Variants in EVX1 observed in about 807,000 individuals in gnomAD.
EVX1 encodes even-skipped homeobox 1, also known as homeobox even-skipped homolog protein 1.
A neutral mutation model predicts 28.6 loss-of-function variants in EVX1; 19 were observed. The observed-to-expected ratio is 0.67, with a 90% confidence interval of 0.46 to 0.98. EVX1 has a LOEUF of 0.98. Ranked by LOEUF, EVX1 falls within the 50% of genes least tolerant of loss-of-function variation. The pLI is 0.00. For missense variants in EVX1, 660 were observed against 583.0 expected, an observed-to-expected ratio of 1.13 and a Z score of -1.36; for synonymous variants, 324 against 278.2, an observed-to-expected ratio of 1.16 and a Z score of -1.64.
intron 1 of EVX1, chr7:27,244,366 T>TGGG (rs1261517377): frequency 3.1e-4 from 95 of 307,082 alleles, no homozygotes; most frequent in African/African-American, 2.7e-3. Context: ...GGAAAGAGCC[T>TGGG]GGGGGCGGGG....
chr7:27,245,879 TC>T lies in EVX1; in HGVS notation c.685-3del. 6.2e-7 allele frequency: 1 copy of T among 1,609,242 alleles called. No individual in the cohort carries two copies. The highest frequency in any genetic ancestry group is 8.5e-7 in the Non-Finnish European group (1 of 1,178,854). On this transcript the variant is annotated splice_polypyrimidine_tract_variant and splice_region_variant and intron_variant, in intron 2 of 2. Transcript: ENST00000496902. ...AGCTACTGAACCTGCTCCGCTCCTC[TC>T]CCCAGGTGTGGTTCCAGAACCGGCG...
At chr7:27,244,375 G>A (rs905263674) in intron 1 of EVX1, 21 of 388,496 alleles carry the variant, frequency 5.4e-5, no homozygotes, top group South Asian at 1.1e-4. Context: ...CTGGGGGCGG[G>A]GGGGAGAAAG....
Position 27,245,075 on chromosome 7 carries a change from G to C in EVX1, c.455G>C (p.Ser152Thr), listed in dbSNP as rs527786415. 6.2e-7 allele frequency: 1 copy of C among 1,612,238 alleles called. No homozygotes were observed. Among genetic ancestry groups the C allele is most frequent in the South Asian group, 1.1e-5 (1 of 91,044 alleles). The change falls in exon 2 of 3, where the codon AGT becomes ACT. Residue 152 changes from serine to threonine, a missense_variant. By Grantham distance (58) the Ser-to-Thr change is moderately conservative. Coordinates refer to ENST00000496902, the MANE Select transcript of EVX1 (RefSeq NM_001989.5). ...TCCGGCTCCGAGGCGCTGGTCGGCA[G>C]TCCGAACGGAGGGAGCGAGACCCCC... ...KGSGSEALVG[S>T]PNGGSETPKS...
chr7:27,246,466 G>T lies in EVX1; in HGVS notation c.*41G>T. ...CTGCCGGCTCCATGACGCCCGTGGG[G>T]TCACCCCCCGGCCCCGGGACTCAGC... On this transcript the variant is annotated 3_prime_UTR_variant, in exon 3 of 3. Coordinates refer to ENST00000496902, the MANE Select transcript of EVX1 (RefSeq NM_001989.5). The T allele has an allele frequency of 6.4e-7, 1 of 1,558,318 alleles. No homozygotes were observed. The highest frequency in any genetic ancestry group is 8.6e-7 in the Non-Finnish European group (1 of 1,159,284).
At chr7:27,244,562 C>T in intron 1 of EVX1, 1 of 895,974 alleles carries the variant, frequency 1.1e-6, no homozygotes, top group Non-Finnish European at 1.3e-6. Context: ...TCCAGCCCTG[C>T]AATACACGGA....
chr7:27,243,195 G>C lies in EVX1; in HGVS notation c.165G>C (p.Pro55=), dbSNP rs1396963900. 1.3e-6 allele frequency: 2 copies of C among 1,562,414 alleles called. No individual in the cohort carries two copies. The highest frequency in any genetic ancestry group is 1.4e-5 in the African/African-American group (1 of 73,738). ...RGCLSPRAVP[P]ATRERGGGGP... ...GCCTGAGCCCTCGGGCCGTCCCTCC[G>C]GCCACCCGGGAGCGCGGCGGGGGAG... The change falls in exon 1 of 3, where the codon CCG becomes CCC. Residue 55 remains proline (P), a synonymous_variant. Coordinates refer to ENST00000496902, the MANE Select transcript of EVX1 (RefSeq NM_001989.5).
At position 27,243,061 on chromosome 7, in the gene EVX1, C is replaced by G. The variant is rs1428622382; in HGVS notation, c.31C>G (p.Leu11Val). 1.9e-6 allele frequency: 3 copies of G among 1,608,360 alleles called. No individual in the cohort carries two copies. In the African/African-American group the frequency reaches 4.0e-5, roughly 22 times the overall value. Residue 11 changes from leucine to valine, a missense_variant, in exon 1 of 3, where the codon CTG becomes GTG. Leu to Val is a conservative substitution (Grantham distance 32). Coordinates refer to ENST00000496902, the MANE Select transcript of EVX1 (RefSeq NM_001989.5). MESRKDMVVFLDGGQLGTLVG... is the reference protein window; with the variant it reads MESRKDMVVFVDGGQLGTLVG... Reference sequence around the variant, plus strand: ...GAGCCGAAAGGACATGGTTGTGTTTCTGGATGGGGGTCAGCTTGGCACTCT... The same window carrying G: ...GAGCCGAAAGGACATGGTTGTGTTTGTGGATGGGGGTCAGCTTGGCACTCT...
rs899404417 is a variant in EVX1 at position 27,243,203 on chromosome 7, G to A, written c.173G>A (p.Arg58Gln). 4.5e-6 allele frequency: 7 copies of A among 1,558,270 alleles called. No homozygotes were observed. The highest frequency in any genetic ancestry group is 3.5e-5 in the South Asian group (3 of 85,122). The stretch of plus-strand genomic sequence containing the variant: ...CCTCGGGCCGTCCCTCCGGCCACCC[G>A]GGAGCGCGGCGGGGGAGGCCCGGAG... ...LSPRAVPPAT[R>Q]ERGGGGPEEE... Residue 58 changes from arginine (R) to glutamine (Q), a missense_variant, in exon 1 of 3, where the codon CGG becomes CAG. By Grantham distance (43) the Arg-to-Gln change is conservative. Around this residue, in one of 3 missense-constraint regions of EVX1, gnomAD observed 308 missense variants for 256.6 expected, o/e 1.20. Coordinates refer to ENST00000496902, the MANE Select transcript of EVX1 (RefSeq NM_001989.5).
rs1252038989 is a variant in EVX1, at chr7:27,246,453, T to C, written c.*28T>C. The C allele has an allele frequency of 1.3e-6, 2 of 1,577,770 alleles. No homozygotes were observed. Among genetic ancestry groups the C allele is most frequent in the Admixed American group, 1.7e-5 (1 of 57,216 alleles). ...GGCCGCCGGCTGGCTGCCGGCTCCA[T>C]GACGCCCGTGGGGTCACCCCCCGGC... On this transcript the variant is annotated 3_prime_UTR_variant, in exon 3 of 3. Transcript: ENST00000496902.
At position 27,243,001 on chromosome 7, in the gene EVX1, C is replaced by T. The variant is rs1783063125; in HGVS notation, c.-30C>T. On this transcript the variant is annotated 5_prime_UTR_variant, in exon 1 of 3. Coordinates refer to ENST00000496902, the MANE Select transcript of EVX1 (RefSeq NM_001989.5). ...GCCGGGGTTAGGAACTCACTTGGGG[C>T]TTTCCCCTCCCCCACCGGAGAGCCC... 1.3e-6 allele frequency: 2 copies of T among 1,515,924 alleles called. No homozygotes were observed. Among genetic ancestry groups the T allele is most frequent in the African/African-American group, 2.8e-5 (2 of 70,894 alleles). The allele number at this position is 1,515,924 out of a possible 1,614,324, so 93.9% of individuals were successfully genotyped here.
At position 27,246,162 on chromosome 7, in the gene EVX1, G is replaced by C. The variant is rs1583466668; in HGVS notation, c.961G>C (p.Glu321Gln). Reference protein sequence around the residue: ...RVLSQPYPRPELLCAFRHPPL... With the variant: ...RVLSQPYPRPQLLCAFRHPPL... ...GCTGTCGCAGCCCTACCCGCGGCCC[G>C]AACTGCTGTGCGCCTTCCGCCACCC... Residue 321 changes from glutamate (E) to glutamine (Q), a missense_variant, in exon 3 of 3, where the codon GAA becomes CAA. By Grantham distance (29) the Glu-to-Gln change is conservative. Around this residue, in one of 3 missense-constraint regions of EVX1, gnomAD observed 299 missense variants for 241.3 expected, o/e 1.24. Transcript: ENST00000496902. 11 of 1,502,732 alleles carry C rather than the reference G, an allele frequency of 7.3e-6. No individual in the cohort carries two copies. The highest frequency in any genetic ancestry group is 1.3e-5 in the South Asian group (1 of 79,908). The allele number at this position is 1,502,732 out of a possible 1,614,324, so 93.1% of individuals were successfully genotyped here.
rs968585625 is a variant in EVX1, at chr7:27,243,529, G to A, written c.427+72G>A. ...CCTTCACTTCGGCGCAGGCCAGGAG[G>A]AAGACACTCCCTTCCCCTAGGGCAG... On this transcript the variant is annotated intron_variant, in intron 1 of 2. Transcript: ENST00000496902. The A allele has an allele frequency of 6.1e-6, 9 of 1,477,142 alleles. No homozygotes were observed. The African/African-American group carries it at 8.5e-5, about 14-fold the overall frequency. The allele number at this position is 1,477,142 out of a possible 1,614,324, so 91.5% of individuals were successfully genotyped here.
rs763601537 is a variant in EVX1, at chr7:27,245,944, C to A, written c.743C>A (p.Pro248Gln). 1.5e-5 allele frequency: 24 copies of A among 1,595,700 alleles called. No homozygotes were observed. Among genetic ancestry groups the A allele is most frequent in the East Asian group, 2.3e-5 (1 of 43,314 alleles). ...CGGCAGCGCCTGGCCATGACGTGGC[C>A]GCACCCGGCGGACCCCGCCTTCTAC... The part of the protein sequence containing the change: ...DKRQRLAMTW[P>Q]HPADPAFYTY... Residue 248 changes from proline to glutamine, a missense_variant, in exon 3 of 3, where the codon CCG (proline) becomes CAG (glutamine). By Grantham distance (76) the Pro-to-Gln change is moderately conservative (BLOSUM62 -1). Around this residue, in one of 3 missense-constraint regions of EVX1, gnomAD observed 299 missense variants for 241.3 expected, o/e 1.24. Transcript: ENST00000496902.
chr7:27,246,600 AGTG>A lies in EVX1; in HGVS notation c.*177_*179del, dbSNP rs1783200055. The stretch of plus-strand genomic sequence containing the variant: ...GCCGCAAGAATTGGAAAGCCTAGGA[AGTG>A]GCGGTGGCTGGCGCGTTTGGGGAGC... On this transcript the variant is annotated 3_prime_UTR_variant, in exon 3 of 3. Transcript: ENST00000496902. 1.4e-6 allele frequency: 1 copy of A among 703,288 alleles called. No homozygotes were observed. The highest frequency in any genetic ancestry group is 2.2e-6 in the Non-Finnish European group (1 of 445,942). 43.6% of individuals were successfully genotyped at this position (703,288 alleles called of 1,614,324 possible). A position where few individuals can be genotyped will look rare whatever the true frequency, so the allele number is the denominator to read the frequency against.
At chr7:27,245,652 G>A (rs925235719) in intron 2 of EVX1, among the ~76,000 whole-genome samples, 1 of 152,108 alleles carries the variant, frequency 6.6e-6, no homozygotes, top group African/African-American at 2.4e-5. Context: ...TGGCACCCCG[G>A]GGGCCTGGCC....
chr7:27,243,613 C>A (rs971336524), intron 1 of EVX1, 156 bp downstream of exon 1: 4 of 802,804 alleles, frequency 5.0e-6, no homozygotes, highest in Admixed American at 3.4e-5. Context: ...TGGCGGGGGT[C>A]TCCTACTGTG....
rs1783219682 is a variant in EVX1 at position 27,247,274 on chromosome 7, T to C, written c.*849T>C. On this transcript the variant is annotated 3_prime_UTR_variant, in exon 3 of 3. Coordinates refer to ENST00000496902, the MANE Select transcript of EVX1 (RefSeq NM_001989.5). Reference sequence around the variant, plus strand: ...AAGTGATGTGTGCGAGGAGGGTTTGTGAATGTTGAATGTGTAATAATGATC... The same window carrying C: ...AAGTGATGTGTGCGAGGAGGGTTTGCGAATGTTGAATGTGTAATAATGATC... 1 of 152,156 alleles carries C rather than the reference T, an allele frequency of 6.6e-6. No individual in the cohort carries two copies. The highest frequency in any genetic ancestry group is 2.1e-4 in the South Asian group (1 of 4,826). 9.4% of individuals were successfully genotyped at this position (152,156 alleles called of 1,614,324 possible). A position where few individuals can be genotyped will look rare whatever the true frequency, so the allele number is the denominator to read the frequency against.
rs746341646 is a variant in EVX1, at chr7:27,245,017, T to C, written c.428-31T>C. The C allele has an allele frequency of 1.9e-6, 3 of 1,599,230 alleles. No homozygotes were observed. In the South Asian group the frequency reaches 3.3e-5, roughly 18 times the overall value. On this transcript the variant is annotated intron_variant, in intron 1 of 2. Coordinates refer to ENST00000496902, the MANE Select transcript of EVX1 (RefSeq NM_001989.5). ...AATGGCGTTTGTGTGTCTGTGTCTG[T>C]ACACGCCTGTGCTCTGGACTCGCTG... is the stretch of plus-strand genomic sequence containing the variant.
chr7:27,243,521 G>A, intron 1 of EVX1, 64 bp downstream of exon 1: 1 of 1,498,910 alleles, frequency 6.7e-7, no homozygotes, highest in South Asian at 1.3e-5. Context: ...TTCGGCGCAG[G>A]CCAGGAGGAA....
Sources: gnomAD v4.1 joint callset for allele counts (sites outside exome capture counted in the v4.1 genomes callset) on GRCh38, gnomAD v4.1.1 for gene constraint, gnomAD v4.1.1 regional missense constraint, MANE v1.5 for transcripts, NCBI Gene and HGNC (gene_info 2026-07-23, HGNC 2026-07-21) for gene names.